Variants in KCNK9 observed in about 807,000 individuals in gnomAD.
The protein encoded by KCNK9 is potassium channel subfamily K member 9.
In KCNK9, 1 loss-of-function variant was observed where a neutral mutation model predicts 10.8. That is an observed-to-expected ratio of 0.09 (90% CI 0.03 to 0.44). The LOEUF is 0.44. KCNK9 is among the 20% of genes least tolerant of loss of function. KCNK9 has a pLI of 0.97. For synonymous variants in KCNK9, 231 were observed against 222.7 expected, an observed-to-expected ratio of 1.04 and a Z score of -0.33; for missense variants, 303 against 515.0, an observed-to-expected ratio of 0.59 and a Z score of 3.98.
chr8:139,627,217 G>A (rs1212869389), intron 1 of KCNK9, among the ~76,000 whole-genome samples: 1 of 152,168 alleles, frequency 6.6e-6, no homozygotes, highest in East Asian at 1.9e-4. Context: ...ACTTGACAAT[G>A]CTTTTCCCAA....
At chr8:139,634,071 T>C (rs1815258683) in intron 1 of KCNK9, among the ~76,000 whole-genome samples, 1 of 152,266 alleles carries the variant, frequency 6.6e-6, no homozygotes, top group Admixed American at 6.5e-5. Context: ...CCTCGCCTGC[T>C]GGTTCACTCC....
intron 1 of KCNK9, among the ~76,000 whole-genome samples, chr8:139,649,868 A>G (rs1815807326): frequency 6.6e-6 from 1 of 152,222 alleles, no homozygotes; most frequent in African/African-American, 2.4e-5. Context: ...CCGAAAGGCA[A>G]TTAATGCTGG....
In KCNK9 at chr8:139,703,117, T is replaced by G; in HGVS notation, c.-125A>C. The G allele has an allele frequency of 1.5e-6, 1 of 683,610 alleles. No individual in the cohort carries two copies. Among genetic ancestry groups the G allele is most frequent in the Non-Finnish European group, 2.0e-6 (1 of 504,024 alleles). 42.3% of individuals were successfully genotyped at this position (683,610 alleles called of 1,614,324 possible). On this transcript the variant is annotated 5_prime_UTR_variant, in exon 1 of 2. Transcript: ENST00000520439. This position sits in a 1 kb window ranked among gnomAD's most constrained non-coding sequence, Gnocchi z 6.4. ...GCCGCCGCCGCCGCCGCCTCCAAGT[T>G]GTAAGCGGCGGCGGCAGCAGCAGCA...
intron 1 of KCNK9, among the ~76,000 whole-genome samples, chr8:139,654,465 C>T (rs1178472968): frequency 2.0e-5 from 3 of 152,222 alleles, no homozygotes; most frequent in African/African-American, 7.2e-5. Flanking sequence ...TCCCCACCCC[C>T]TTCCTGAGCT....
At chr8:139,649,518 C>A (rs992371836) in intron 1 of KCNK9, among the ~76,000 whole-genome samples, 2 of 152,196 alleles carry the variant, frequency 1.3e-5, no homozygotes, top group East Asian at 1.9e-4. Flanking sequence ...CTACTGTGGA[C>A]CTTACCACCC....
At chr8:139,686,690 A>G (rs1325462287) in intron 1 of KCNK9, among the ~76,000 whole-genome samples, 1 of 152,214 alleles carries the variant, frequency 6.6e-6, no homozygotes, top group African/African-American at 2.4e-5. Context: ...AATGACCAAG[A>G]CAGAATAACA....
intron 1 of KCNK9, among the ~76,000 whole-genome samples, chr8:139,635,318 A>G (rs1291430560): frequency 1.3e-5 from 2 of 152,226 alleles, no homozygotes; most frequent in South Asian, 2.1e-4. Flanking sequence ...TTGCTAGGGC[A>G]GAGTCAGATT....
At chr8:139,697,423 AGATG>A (rs1192726225) in intron 1 of KCNK9, among the ~76,000 whole-genome samples, 4 of 148,486 alleles carry the variant, frequency 2.7e-5, no homozygotes, top group Non-Finnish European at 4.5e-5. Flanking sequence ...GGGGATAGAC[AGATG>A]GATGGATGTG....
At chr8:139,634,656 C>G (rs1815284170) in intron 1 of KCNK9, among the ~76,000 whole-genome samples, 1 of 152,170 alleles carries the variant, frequency 6.6e-6, no homozygotes, top group South Asian at 2.1e-4. Context: ...CAATTTGTCT[C>G]CAGGTCCCCA....
intron 1 of KCNK9, among the ~76,000 whole-genome samples, chr8:139,689,279 A>G (rs572858232): frequency 6.6e-4 from 100 of 152,342 alleles, no homozygotes; most frequent in Non-Finnish European, 1.3e-3. Flanking sequence ...ATCCAAAGGT[A>G]GACTGTGGAC....
chr8:139,691,875 T>C (rs1430877554), intron 1 of KCNK9, among the ~76,000 whole-genome samples: 1 of 152,176 alleles, frequency 6.6e-6, no homozygotes, highest in Non-Finnish European at 1.5e-5. Context: ...CATGCCCCAT[T>C]TTCCAGGTTC....
intron 1 of KCNK9, among the ~76,000 whole-genome samples, chr8:139,666,065 G>A (rs566408087): frequency 6.6e-6 from 1 of 152,316 alleles, no homozygotes; most frequent in African/African-American, 2.4e-5. Context: ...GGAAGAACTT[G>A]GGTCCCATCT....
chr8:139,617,975 G>C lies in KCNK9; in HGVS notation c.*283C>G, dbSNP rs142361683. On this transcript the variant is annotated 3_prime_UTR_variant, in exon 2 of 2. Transcript: ENST00000520439. ...GCAGAGATGATGGGGTGGGTGGGGT[G>C]AGAAATGTAAGGCATAGTCTGCTGG... 12 of 438,388 alleles carry C rather than the reference G, an allele frequency of 2.7e-5. No homozygotes were observed. The East Asian group carries it at 5.6e-4, about 21-fold the overall frequency. 27.2% of individuals were successfully genotyped at this position (438,388 alleles called of 1,614,324 possible).
chr8:139,673,134 G>A (rs554534876), intron 1 of KCNK9, among the ~76,000 whole-genome samples: 12 of 152,288 alleles, frequency 7.9e-5, no homozygotes, highest in African/African-American at 2.2e-4. Context: ...AGTGCCCAGC[G>A]GAACTGGGCT....
At chr8:139,638,045 T>G (rs534321825) in intron 1 of KCNK9, among the ~76,000 whole-genome samples, 18 of 152,128 alleles carry the variant, frequency 1.2e-4, no homozygotes, top group African/African-American at 3.9e-4. Flanking sequence ...CATGGGTTTG[T>G]GTCCTCATCT....
intron 1 of KCNK9, among the ~76,000 whole-genome samples, chr8:139,644,721 C>CA (rs1554622189): frequency 7.3e-5 from 11 of 150,544 alleles, no homozygotes; most frequent in South Asian, 2.1e-4. Context: ...CCTGTCCCCC[C>CA]CCCCCAGAGC....
chr8:139,660,441 T>TAAAA (rs796406573), intron 1 of KCNK9, among the ~76,000 whole-genome samples: 61 of 132,992 alleles, frequency 4.6e-4, no homozygotes, highest in African/African-American at 1.6e-3. Flanking sequence ...CCGTCTCTGC[T>TAAAA]AAAAAAAAAT....
chr8:139,655,673 G>T (rs187988259), intron 1 of KCNK9, among the ~76,000 whole-genome samples: 2 of 152,186 alleles, frequency 1.3e-5, no homozygotes, highest in African/African-American at 2.4e-5. Flanking sequence ...CCTTAAGGTC[G>T]CACATGTCTG....
At chr8:139,673,317 A>C (rs1490586700) in intron 1 of KCNK9, among the ~76,000 whole-genome samples, 2 of 152,224 alleles carry the variant, frequency 1.3e-5, no homozygotes, top group African/African-American at 4.8e-5. Flanking sequence ...GCTCAATACC[A>C]TTGAGTTGCA....
Sources: gnomAD v4.1 joint callset for allele counts (sites outside exome capture counted in the v4.1 genomes callset) on GRCh38, gnomAD v4.1.1 for gene constraint, Gnocchi (gnomAD v3.1) non-coding constraint, MANE v1.5 for transcripts, NCBI Gene and HGNC (gene_info 2026-07-23, HGNC 2026-07-21) for gene names.